The following ZFYVE28 variants were observed in gnomAD, a reference collection of about 807,000 sequenced individuals.
The protein encoded by ZFYVE28 is lateral signaling target protein 2 homolog.
ZFYVE28 carries 40 observed loss-of-function variants against 82.1 expected under a neutral mutation model. The ratio of observed to expected loss-of-function variants is 0.49; its 90% confidence interval spans 0.38 to 0.63. The LOEUF (loss-of-function observed/expected upper bound fraction) is 0.63, where lower values mean the gene tolerates loss of function less well. Ranked by LOEUF, ZFYVE28 falls within the 30% of genes least tolerant of loss-of-function variation. ZFYVE28 has a pLI of 0.00. For missense variants in ZFYVE28, 1,321 were observed against 1,242.1 expected (o/e 1.06, Z -0.96); for synonymous variants, 612 against 546.1 (o/e 1.12, Z -1.68).
intron 8 of ZFYVE28, among the ~76,000 whole-genome samples, chr4:2,302,483 C>A (rs1715708950): frequency 1.3e-5 from 2 of 152,218 alleles, no homozygotes; most frequent in African/African-American, 4.8e-5. Context: ...AGACAATGAC[C>A]AGTGTAAGGA....
intron 8 of ZFYVE28, among the ~76,000 whole-genome samples, chr4:2,297,098 C>G (rs114587419): frequency 0.018 from 2,781 of 152,358 alleles, 51 homozygotes; most frequent in Non-Finnish European, 0.028. Context: ...GATGTGGGAA[C>G]GAAGCACATC....
chr4:2,303,790 C>T (rs561512803), intron 8 of ZFYVE28, among the ~76,000 whole-genome samples: 24 of 152,334 alleles, frequency 1.6e-4, no homozygotes, highest in East Asian at 5.8e-4. Context: ...CCAGTCTCCG[C>T]GCCCACGGCC....
At position 2,271,077 on chromosome 4, in the gene ZFYVE28, C is replaced by A. The variant is rs903359266; in HGVS notation, c.2533-221G>T. 3 of 751,236 alleles carry A rather than the reference C, an allele frequency of 4.0e-6. No homozygotes were observed. The African/African-American group carries it at 5.3e-5, about 13-fold the overall frequency. 46.5% of individuals were successfully genotyped at this position (751,236 alleles called of 1,614,324 possible). A position where few individuals can be genotyped will look rare whatever the true frequency, so the allele number is the denominator to read the frequency against. On this transcript the variant is annotated intron_variant, in intron 12 of 12. Transcript: ENST00000290974. ...GCAGGCTCCTGTTCACACTCGCTGT[C>A]CCCTCTCTGTGGCTGGCTCTGCAGC... is the stretch of plus-strand genomic sequence containing the variant.
intron 6 of ZFYVE28, chr4:2,330,315 A>G: frequency 1.0e-6 from 1 of 989,432 alleles, no homozygotes; most frequent in Non-Finnish European, 1.2e-6. Flanking sequence ...AAGTCACGCA[A>G]CCTGCTGGTG....
intron 8 of ZFYVE28, 50 bp downstream of exon 8, chr4:2,304,239 C>T (rs770262690): frequency 1.1e-5 from 16 of 1,506,690 alleles, no homozygotes; most frequent in East Asian, 2.3e-5. Flanking sequence ...AGCACCTGCC[C>T]CCCAGTGCAG....
chr4:2,283,600 A>ATCCATCTG (rs1553815287), intron 8 of ZFYVE28, among the ~76,000 whole-genome samples: 207 of 152,230 alleles, frequency 1.4e-3, no homozygotes, highest in African/African-American at 4.7e-3. Context: ...CCATCCATCC[A>ATCCATCTG]TCCATCCACC....
chr4:2,323,830 G>A (rs993806360), intron 6 of ZFYVE28, among the ~76,000 whole-genome samples: 1 of 151,610 alleles, frequency 6.6e-6, no homozygotes, highest in Non-Finnish European at 1.5e-5. Flanking sequence ...TACTGAGAAT[G>A]ATGGTTTCCA....
At chr4:2,347,798 T>C (rs186938961) in intron 2 of ZFYVE28, among the ~76,000 whole-genome samples, 2 of 152,134 alleles carry the variant, frequency 1.3e-5, no homozygotes, top group Admixed American at 1.3e-4. Flanking sequence ...AACCACTAAA[T>C]ACCTAAATTA....
At chr4:2,391,760 G>C (rs1478388672) in intron 1 of ZFYVE28, among the ~76,000 whole-genome samples, 2 of 120,120 alleles carry the variant, frequency 1.7e-5, no homozygotes, top group Non-Finnish European at 3.5e-5. Context: ...TTTTGTGACT[G>C]AGTCTTGCTC....
In ZFYVE28 at chr4:2,394,904, C is replaced by A. The variant is rs909693474; in HGVS notation, c.39+23381G>T. Among the ~76,000 whole-genome samples the A allele has an allele frequency of 5.9e-5, 9 of 152,246 alleles. No homozygotes were observed. Among genetic ancestry groups the A allele is most frequent in the Admixed American group, 2.6e-4 (4 of 15,292 alleles). The stretch of plus-strand genomic sequence containing the variant: ...GGACTATCATTCAATCTCTTCCCTG[C>A]AAAGGGTAAGGCCAGCCCTAATGAT... On this transcript the variant is annotated intron_variant, in intron 1 of 12. Coordinates refer to ENST00000290974, the MANE Select transcript of ZFYVE28 (RefSeq NM_020972.3). This position sits in a 1 kb window ranked among gnomAD's most constrained non-coding sequence, Gnocchi z 4.0.
intron 6 of ZFYVE28, among the ~76,000 whole-genome samples, chr4:2,322,223 C>T (rs1294422199): frequency 2.0e-5 from 3 of 151,472 alleles, no homozygotes. Context: ...GGAGCGGCCC[C>T]CGGGCGGCTG....
intron 8 of ZFYVE28, among the ~76,000 whole-genome samples, chr4:2,283,838 G>A (rs546914885): frequency 2.0e-5 from 3 of 152,306 alleles, no homozygotes; most frequent in Admixed American, 6.5e-5. Context: ...CCTGGAAGGC[G>A]CAGCATGAGG....
In ZFYVE28 at chr4:2,416,224, T is replaced by C. The variant is rs537913344; in HGVS notation, c.39+2061A>G. ...CTAGTACCATGTTCTACCTTTAACC[T>C]GTCTTCCCTAAACGGAAACAGACAA... On this transcript the variant is annotated intron_variant, in intron 1 of 12. Transcript: ENST00000290974. This position sits in a 1 kb window ranked among gnomAD's most constrained non-coding sequence, Gnocchi z 4.6. Among the ~76,000 whole-genome samples the C allele has an allele frequency of 6.6e-6, 1 of 152,362 alleles. No homozygotes were observed. The highest frequency in any genetic ancestry group is 2.1e-4 in the South Asian group (1 of 4,832).
chr4:2,356,474 G>A (rs1725349576), intron 1 of ZFYVE28, among the ~76,000 whole-genome samples: 1 of 151,390 alleles, frequency 6.6e-6, no homozygotes, highest in Non-Finnish European at 1.5e-5. Flanking sequence ...CCGTTGGTGT[G>A]CTCACAGATG....
intron 8 of ZFYVE28, among the ~76,000 whole-genome samples, chr4:2,301,227 G>T (rs537414729): frequency 6.6e-6 from 1 of 152,146 alleles, no homozygotes; most frequent in African/African-American, 2.4e-5. Flanking sequence ...CAGCCACCCC[G>T]GAACATGCTT....
At chr4:2,413,878 A>G (rs1276761439) in intron 1 of ZFYVE28, among the ~76,000 whole-genome samples, 1 of 152,092 alleles carries the variant, frequency 6.6e-6, no homozygotes, top group Non-Finnish European at 1.5e-5. Context: ...CCCAGTGTCC[A>G]CCAAGACCCC....
chr4:2,282,161 CCTT>C, intron 8 of ZFYVE28, among the ~76,000 whole-genome samples: 1 of 152,228 alleles, frequency 6.6e-6, no homozygotes, highest in African/African-American at 2.4e-5. Flanking sequence ...AGTCCAGCCA[CCTT>C]CTGCAGCTGC....
At chr4:2,310,662 G>A (rs1314973141) in intron 7 of ZFYVE28, among the ~76,000 whole-genome samples, 3 of 152,088 alleles carry the variant, frequency 2.0e-5, no homozygotes, top group Non-Finnish European at 2.9e-5. Context: ...AAATTAGTTG[G>A]GCATGGTGGT....
chr4:2,351,277 T>C (rs1050938594), intron 2 of ZFYVE28, among the ~76,000 whole-genome samples: 4 of 152,148 alleles, frequency 2.6e-5, no homozygotes, highest in African/African-American at 7.2e-5. Context: ...CATCTGGTCA[T>C]GGAGTGTTGA....
Sources: allele counts gnomAD v4.1 joint callset (sites outside exome capture counted in the v4.1 genomes callset), GRCh38; gene constraint gnomAD v4.1.1; non-coding constraint Gnocchi (gnomAD v3.1); transcripts MANE v1.5; gene names NCBI Gene and HGNC (gene_info 2026-07-23, HGNC 2026-07-21).